The following COP1 variants were observed in gnomAD, a reference collection of about 807,000 sequenced individuals.
The protein encoded by COP1 is E3 ubiquitin-protein ligase COP1.
COP1 carries 24 observed loss-of-function variants against 101.3 expected under a neutral mutation model. That is an observed-to-expected ratio of 0.24 (90% confidence interval 0.17 to 0.33). The LOEUF (loss-of-function observed/expected upper bound fraction) is 0.33, where lower values mean the gene tolerates loss of function less well. COP1 is among the 10% of genes least tolerant of loss of function. The pLI, the probability that COP1 is intolerant of heterozygous loss-of-function variation, is 1.00. For missense variants in COP1, 663 were observed against 906.2 expected, an observed-to-expected ratio of 0.73 and a Z score of 3.45; for synonymous variants, 347 against 341.9, an observed-to-expected ratio of 1.01 and a Z score of -0.17.
intron 1 of COP1, among the ~76,000 whole-genome samples, chr1:176,188,584 A>T (rs1558286417): frequency 6.6e-6 from 1 of 152,106 alleles, no homozygotes; most frequent in Non-Finnish European, 1.5e-5. Context: ...TGCTCACTTC[A>T]TATCTCTGTG....
intron 14 of COP1, among the ~76,000 whole-genome samples, chr1:176,035,788 C>G (rs1461114292): frequency 2.8e-5 from 4 of 145,006 alleles, no homozygotes; most frequent in South Asian, 2.2e-4. Context: ...CTGACACTTA[C>G]AGAACACTCA....
chr1:176,070,334 CTT>C (rs558421046), intron 11 of COP1, among the ~76,000 whole-genome samples: 86 of 138,644 alleles, frequency 6.2e-4, no homozygotes, highest in East Asian at 1.5e-3. Flanking sequence ...CTTGTGCTGC[CTT>C]TTTTTTTTTT....
chr1:176,196,422 G>T (rs1699704264), intron 1 of COP1, among the ~76,000 whole-genome samples: 1 of 151,972 alleles, frequency 6.6e-6, no homozygotes, highest in Non-Finnish European at 1.5e-5. Flanking sequence ...AATGAAAGAT[G>T]GGACACCATT....
chr1:175,954,564 T>G (rs1650373063), intron 18 of COP1, among the ~76,000 whole-genome samples: 1 of 152,088 alleles, frequency 6.6e-6, no homozygotes, highest in Non-Finnish European at 1.5e-5. Flanking sequence ...GGGATATCAC[T>G]AGATATTCTA....
At chr1:176,133,149 C>T (rs898934083) in intron 8 of COP1, among the ~76,000 whole-genome samples, 10 of 138,884 alleles carry the variant, frequency 7.2e-5, no homozygotes, top group East Asian at 2.0e-4. Context: ...TACGTATATA[C>T]GTACATATAT....
At position 176,082,783 on chromosome 1, in the gene COP1, C is replaced by G. The variant is rs1679417053; in HGVS notation, c.1142-1496G>C. ...TCACACCACTGCATTCCAGCCTGGGCAACGAGAGCAAAACTCCATCTCAAA... is the reference window on the plus strand; with the variant it reads ...TCACACCACTGCATTCCAGCCTGGGGAACGAGAGCAAAACTCCATCTCAAA... On this transcript the variant is annotated intron_variant, in intron 10 of 19. Transcript: ENST00000367669. 4.1e-5 allele frequency among the ~76,000 whole-genome samples: 6 copies of G among 147,670 alleles called. No individual in the cohort carries two copies. In the Admixed American group the frequency reaches 4.1e-4, roughly 10 times the overall value.
At chr1:176,204,958 A>G (rs1700679452) in intron 1 of COP1, among the ~76,000 whole-genome samples, 1 of 152,174 alleles carries the variant, frequency 6.6e-6, no homozygotes, top group South Asian at 2.1e-4. Context: ...TTAAAAAAAG[A>G]GTTCCCAATT....
chr1:176,142,926 T>C (rs1006895338), intron 6 of COP1, among the ~76,000 whole-genome samples: 13 of 151,694 alleles, frequency 8.6e-5, no homozygotes. Context: ...CATAATAATA[T>C]GCATATCCAC....
chr1:176,072,715 G>A (rs1344977458), intron 11 of COP1, among the ~76,000 whole-genome samples: 1 of 152,058 alleles, frequency 6.6e-6, no homozygotes, highest in Non-Finnish European at 1.5e-5. Flanking sequence ...CCTCAATCTG[G>A]ATCCACATTT....
intron 9 of COP1, among the ~76,000 whole-genome samples, chr1:176,096,849 A>G (rs1221915398): frequency 6.6e-6 from 1 of 152,176 alleles, no homozygotes; most frequent in Admixed American, 6.5e-5. Context: ...GCAGGCCTCC[A>G]TCTTGTTTTA....
rs1571462747 is a variant in COP1 at position 175,992,763 on chromosome 1, C to T, written c.1730-3284G>A. On this transcript the variant is annotated intron_variant, in intron 15 of 19. Transcript: ENST00000367669. Reference sequence around the variant, plus strand: ...GCTGGGAAGCTCGAACTGGATGGAGCCCACCACAGCTCAAGGAGGCCTGCC... The same window carrying T: ...GCTGGGAAGCTCGAACTGGATGGAGTCCACCACAGCTCAAGGAGGCCTGCC... 5.3e-5 allele frequency among the ~76,000 whole-genome samples: 8 copies of T among 152,318 alleles called. No homozygotes were observed. The South Asian group carries it at 1.7e-3, about 32-fold the overall frequency.
At chr1:176,011,303 G>C (rs1013019451) in intron 15 of COP1, among the ~76,000 whole-genome samples, 3 of 152,152 alleles carry the variant, frequency 2.0e-5, no homozygotes, top group Non-Finnish European at 4.4e-5. Context: ...AATGTAGCTA[G>C]AACTAATACT....
chr1:176,063,047 G>GTTTTTTT (rs34464104), intron 11 of COP1, among the ~76,000 whole-genome samples: 93 of 90,600 alleles, frequency 1.0e-3, no homozygotes, highest in Admixed American at 1.2e-3. Context: ...TTTTGAAAAT[G>GTTTTTTT]TTTTTTTTTT....
chr1:176,072,793 T>C (rs2149356826), intron 11 of COP1, among the ~76,000 whole-genome samples: 2 of 152,308 alleles, frequency 1.3e-5, no homozygotes, highest in African/African-American at 4.8e-5. Context: ...TAAAGTTTAA[T>C]TTGAATAGTT....
In COP1 at chr1:175,970,553, A is replaced by T. The variant is rs140386767; in HGVS notation, c.2133+16390T>A. On this transcript the variant is annotated intron_variant, in intron 18 of 19. Transcript: ENST00000367669. ...AGGAAATAGAGCAGTTAAGAAGTAGATATAGGAACGACATTGTTCTATACT... is the reference window on the plus strand; with the variant it reads ...AGGAAATAGAGCAGTTAAGAAGTAGTTATAGGAACGACATTGTTCTATACT... Among the ~76,000 whole-genome samples the T allele has an allele frequency of 5.0e-4, 76 of 152,260 alleles. 1 individual carries two copies. In the Middle Eastern group the frequency reaches 0.014, roughly 27 times the overall value.
intron 11 of COP1, among the ~76,000 whole-genome samples, chr1:176,072,038 T>C (rs1677099221): frequency 6.6e-6 from 1 of 152,242 alleles, no homozygotes; most frequent in South Asian, 2.1e-4. Context: ...TGTTTGTGTT[T>C]CCTTTTTAAC....
rs181148927 is a variant in COP1, at chr1:175,994,832, T to C, written c.1730-5353A>G. 4.6e-3 allele frequency among the ~76,000 whole-genome samples: 700 copies of C among 152,250 alleles called. 7 individuals are homozygous for C. The highest frequency in any genetic ancestry group is 0.015 in the African/African-American group (609 of 41,520). ...CACGCCACTGTCAACATTAGACAGA[T>C]CAATGAGACAGAAAGTCAACAAGGA... On this transcript the variant is annotated intron_variant, in intron 15 of 19. Transcript: ENST00000367669.
chr1:176,147,079 T>G (rs1691682155), intron 6 of COP1, among the ~76,000 whole-genome samples: 1 of 152,180 alleles, frequency 6.6e-6, no homozygotes, highest in Admixed American at 6.5e-5. Context: ...AAGTTAATTT[T>G]CAAAGTTTGA....
chr1:176,130,493 T>C (rs1688707993), intron 8 of COP1, among the ~76,000 whole-genome samples: 1 of 151,834 alleles, frequency 6.6e-6, no homozygotes, highest in South Asian at 2.1e-4. Context: ...TAGCAGTCAT[T>C]GGTTTGATTA....
Sources: allele counts gnomAD v4.1 joint callset (sites outside exome capture counted in the v4.1 genomes callset), GRCh38; gene constraint gnomAD v4.1.1; transcripts MANE v1.5; gene names NCBI Gene and HGNC (gene_info 2026-07-23, HGNC 2026-07-21).